KCNQ1: variants seen among roughly 807,000 people sequenced by gnomAD.
KCNQ1 encodes the protein potassium voltage-gated channel subfamily KQT member 1.
In KCNQ1, 49 loss-of-function variants were observed where a neutral mutation model predicts 72.4. The ratio of observed to expected loss-of-function variants is 0.68; its 90% CI spans 0.54 to 0.86. The LOEUF (loss-of-function observed/expected upper bound fraction) is 0.86. KCNQ1 is among the 40% of genes least tolerant of loss of function. The pLI, the probability that KCNQ1 is intolerant of heterozygous loss-of-function variation, is 0.00. For missense variants in KCNQ1, 790 were observed against 945.1 expected (o/e 0.84, Z 2.15); for synonymous variants, 450 against 412.6 (o/e 1.09, Z -1.10).
chr11:2,761,517 T>C (rs567343877), intron 11 of KCNQ1, among the ~76,000 whole-genome samples: 1 of 152,304 alleles, frequency 6.6e-6, no homozygotes, highest in Admixed American at 6.5e-5. Context: ...CCTGGGTCCG[T>C]GCACATAGGC....
At position 2,661,816 on chromosome 11, in the gene KCNQ1, C is replaced by T; in HGVS notation, c.1394-145C>T. 9.8e-7 allele frequency: 1 copy of T among 1,020,506 alleles called. No individual in the cohort carries two copies. The highest frequency in any genetic ancestry group is 1.5e-6 in the Non-Finnish European group (1 of 668,918). 63.2% of individuals were successfully genotyped at this position (1,020,506 alleles called of 1,614,324 possible). On this transcript the variant is annotated intron_variant, in intron 10 of 15. Transcript: ENST00000155840. The surrounding 1 kb of genome is among the most constrained non-coding windows in gnomAD (Gnocchi z 5.9). The stretch of plus-strand genomic sequence containing the variant: ...TTAAACACCCACCCACCCCAACACC[C>T]AACTATAAAACTGATTGTCAGGGCT...
At chr11:2,573,873 C>T (rs1350396339) in intron 6 of KCNQ1, among the ~76,000 whole-genome samples, 3 of 151,812 alleles carry the variant, frequency 2.0e-5, no homozygotes, top group African/African-American at 7.3e-5. Context: ...AATCAGGGTG[C>T]GCCCTCCGAG....
rs1403667286 is a variant in KCNQ1, at chr11:2,764,553, C to A, written c.1515-4291C>A. Among the ~76,000 whole-genome samples, 1 of 151,868 alleles carries A rather than the reference C, an allele frequency of 6.6e-6. No individual in the cohort carries two copies. The highest frequency in any genetic ancestry group is 1.5e-5 in the Non-Finnish European group (1 of 67,964). On this transcript the variant is annotated intron_variant, in intron 11 of 15. Coordinates refer to ENST00000155840, the MANE Select transcript of KCNQ1 (RefSeq NM_000218.3). This position sits in a 1 kb window ranked among gnomAD's most constrained non-coding sequence, Gnocchi z 4.8. ...AGATTTTGATATCAAGGTTATGCTG[C>A]CTTATGAAAATACTTGTATAAAATT...
Position 2,750,089 on chromosome 11 carries a change from A to G in KCNQ1, c.1515-18755A>G, listed in dbSNP as rs1045143769. Among the ~76,000 whole-genome samples the G allele has an allele frequency of 2.6e-5, 4 of 152,184 alleles. No individual in the cohort carries two copies. The highest frequency in any genetic ancestry group is 9.7e-5 in the African/African-American group (4 of 41,436). On this transcript the variant is annotated intron_variant, in intron 11 of 15. Coordinates refer to ENST00000155840, the MANE Select transcript of KCNQ1 (RefSeq NM_000218.3). The surrounding 1 kb of genome is among the most constrained non-coding windows in gnomAD (Gnocchi z 6.3). ...AGGCCAGGAAGCGGAGCCTGGGTGC[A>G]GGGGCATCTTGCTGGTGAAGCTGGG...
At chr11:2,760,266 G>A (rs943009283) in intron 11 of KCNQ1, among the ~76,000 whole-genome samples, 1 of 152,236 alleles carries the variant, frequency 6.6e-6, no homozygotes, top group African/African-American at 2.4e-5. Flanking sequence ...CTTCATGTAC[G>A]TGGACGGGGC....
At chr11:2,732,646 C>A (rs772388175) in intron 11 of KCNQ1, among the ~76,000 whole-genome samples, 1 of 152,256 alleles carries the variant, frequency 6.6e-6, no homozygotes, top group Non-Finnish European at 1.5e-5. Flanking sequence ...GGCCACGGGG[C>A]AGCAGTTGCG....
At chr11:2,699,110 G>C in intron 11 of KCNQ1, 1 of 398,586 alleles carries the variant, frequency 2.5e-6, no homozygotes, top group Non-Finnish European at 4.4e-6. Context: ...CGCGGACTCA[G>C]AACCACGATG....
intron 11 of KCNQ1, chr11:2,686,256 C>G (rs1850487800): frequency 2.5e-6 from 1 of 398,644 alleles, no homozygotes; most frequent in South Asian, 1.3e-4. Flanking sequence ...CAGCAAATGT[C>G]TGCCACCCCA....
At chr11:2,685,332 C>G in intron 11 of KCNQ1, 1 of 398,662 alleles carries the variant, frequency 2.5e-6, no homozygotes, top group East Asian at 3.6e-5. Context: ...AGGGACCCAG[C>G]CATGTCATGG....
At chr11:2,706,982 C>T (rs75143583) in intron 11 of KCNQ1, among the ~76,000 whole-genome samples, 3,883 of 152,182 alleles carry the variant, frequency 0.026, 107 homozygotes, top group East Asian at 0.089. Context: ...GGAAATGTAA[C>T]GGGTGACCTT....
At chr11:2,667,324 A>C in intron 11 of KCNQ1, 1 of 398,594 alleles carries the variant, frequency 2.5e-6, no homozygotes, top group South Asian at 1.3e-4. Context: ...GCCCAGAAGA[A>C]AGCAGTGAGG....
In KCNQ1 at chr11:2,695,245, A is replaced by G. The variant is rs1850654463; in HGVS notation, c.1514+33164A>G. On this transcript the variant is annotated intron_variant, in intron 11 of 15. Transcript: ENST00000155840. This position sits in a 1 kb window ranked among gnomAD's most constrained non-coding sequence, Gnocchi z 5.2. ...TAAAGTCACCGCTCTCTTCCTCTCC[A>G]TGCTTTTCCACTTCATCTCTAGCCT... 3 of 398,588 alleles carry G rather than the reference A, an allele frequency of 7.5e-6. No homozygotes were observed. The highest frequency in any genetic ancestry group is 1.3e-5 in the Non-Finnish European group (3 of 226,124). The allele number at this position is 398,588 out of a possible 1,614,324, so 24.7% of individuals were successfully genotyped here.
At chr11:2,461,605 T>C in intron 1 of KCNQ1, 1 of 1,362,054 alleles carries the variant, frequency 7.3e-7, no homozygotes, top group Non-Finnish European at 9.8e-7. Context: ...TGGCCCCTGC[T>C]CTCACCCACA....
At chr11:2,838,386 G>C (rs1166747067) in intron 15 of KCNQ1, among the ~76,000 whole-genome samples, 1 of 152,182 alleles carries the variant, frequency 6.6e-6, no homozygotes, top group African/African-American at 2.4e-5. Flanking sequence ...CCAGGGATGG[G>C]GGCTGGGCCA....
Position 2,626,023 on chromosome 11 carries a change from C to G in KCNQ1, c.1394-35938C>G, listed in dbSNP as rs890710010. The G allele has an allele frequency of 7.5e-6, 3 of 398,476 alleles. No homozygotes were observed. The highest frequency in any genetic ancestry group is 6.2e-5 in the African/African-American group (3 of 48,626). The allele number at this position is 398,476 out of a possible 1,614,324, so 24.7% of individuals were successfully genotyped here. ...TTGCTTAGTTGATATTATTTTAATGCACACAATGTAAATTTTTAAAATTTA... is the reference window on the plus strand; with the variant it reads ...TTGCTTAGTTGATATTATTTTAATGGACACAATGTAAATTTTTAAAATTTA... On this transcript the variant is annotated intron_variant, in intron 10 of 15. Coordinates refer to ENST00000155840, the MANE Select transcript of KCNQ1 (RefSeq NM_000218.3). The surrounding 1 kb of genome is among the most constrained non-coding windows in gnomAD (Gnocchi z 4.0).
intron 11 of KCNQ1, chr11:2,665,873 G>GA (rs1850058220): frequency 2.5e-6 from 1 of 398,682 alleles, no homozygotes; most frequent in Non-Finnish European, 4.4e-6. Context: ...CTCTGAACTT[G>GA]GGGGCTGTGT....
intron 11 of KCNQ1, among the ~76,000 whole-genome samples, chr11:2,758,752 A>C (rs1846341870): frequency 6.6e-6 from 1 of 152,230 alleles, no homozygotes; most frequent in African/African-American, 2.4e-5. Flanking sequence ...GTACAACCTA[A>C]GCGGATCTTA....
At chr11:2,523,758 T>TTTG (rs1477892116) in intron 1 of KCNQ1, among the ~76,000 whole-genome samples, 4 of 146,490 alleles carry the variant, frequency 2.7e-5, no homozygotes, top group African/African-American at 1.0e-4. Context: ...ACAGTTTTTT[T>TTTG]TTTTTTTTTT....
intron 10 of KCNQ1, chr11:2,635,789 A>T (rs1486778056): frequency 6.6e-6 from 1 of 152,162 alleles, no homozygotes; most frequent in Admixed American, 6.5e-5. Flanking sequence ...GGCCATTTTC[A>T]TGATACTGAT....
Sources: gnomAD v4.1 joint callset for allele counts (sites outside exome capture counted in the v4.1 genomes callset) on GRCh38, gnomAD v4.1.1 for gene constraint, Gnocchi (gnomAD v3.1) non-coding constraint, MANE v1.5 for transcripts, NCBI Gene and HGNC (gene_info 2026-07-23, HGNC 2026-07-21) for gene names.